Variants in MAPKAP1 observed in about 807,000 individuals in gnomAD.
The protein encoded by MAPKAP1 is MAPK associated protein 1.
Under a neutral mutation model 65.7 loss-of-function variants are expected in MAPKAP1, and 20 were observed. That is an observed-to-expected ratio of 0.30 (90% CI 0.21 to 0.44). The LOEUF is 0.44. MAPKAP1 is among the 20% of genes least tolerant of loss of function. The pLI, the probability that MAPKAP1 is intolerant of heterozygous loss-of-function variation, is 1.00. For synonymous variants in MAPKAP1, 222 were observed against 244.3 expected, an observed-to-expected ratio of 0.91 and a Z score of 0.85; for missense variants, 423 against 648.0, an observed-to-expected ratio of 0.65 and a Z score of 3.77.
At chr9:125,484,895 G>A (rs189774665) in intron 8 of MAPKAP1, among the ~76,000 whole-genome samples, 1 of 152,268 alleles carries the variant, frequency 6.6e-6, no homozygotes, top group East Asian at 1.9e-4. Flanking sequence ...AAGAGCTTGG[G>A]TGGTGTTAGC....
chr9:125,640,376 T>G (rs1417741472), intron 4 of MAPKAP1, among the ~76,000 whole-genome samples: 1 of 152,088 alleles, frequency 6.6e-6, no homozygotes, highest in Non-Finnish European at 1.5e-5. Flanking sequence ...GTGCTGGGAT[T>G]ACAGGCGTGA....
chr9:125,669,319 A>T (rs1834430792), intron 3 of MAPKAP1, among the ~76,000 whole-genome samples: 1 of 151,948 alleles, frequency 6.6e-6, no homozygotes, highest in Admixed American at 6.6e-5. Flanking sequence ...CATCTCTACT[A>T]AAAATACAAA....
At chr9:125,693,656 C>CACACACGTATAT (rs1219624556) in intron 1 of MAPKAP1, among the ~76,000 whole-genome samples, 1 of 128,834 alleles carries the variant, frequency 7.8e-6, no homozygotes, top group African/African-American at 3.5e-5. Context: ...TACACGTATA[C>CACACACGTATAT]ATACACACAC....
chr9:125,701,602 G>A (rs2131882157), intron 1 of MAPKAP1, among the ~76,000 whole-genome samples: 1 of 152,300 alleles, frequency 6.6e-6, no homozygotes, highest in Admixed American at 6.5e-5. Flanking sequence ...TTCACTGGGT[G>A]CCGATTTCTT....
At chr9:125,652,217 A>C in intron 4 of MAPKAP1, 2 of 1,313,024 alleles carry the variant, frequency 1.5e-6, no homozygotes, top group Non-Finnish European at 2.0e-6. Context: ...TGATTGTAGA[A>C]AACATTTGTT....
chr9:125,673,506 G>C (rs968117932), intron 1 of MAPKAP1, among the ~76,000 whole-genome samples: 1 of 152,086 alleles, frequency 6.6e-6, no homozygotes, highest in South Asian at 2.1e-4. Flanking sequence ...GATTACAGGC[G>C]TGAGCCACCA....
chr9:125,446,074 GGTCATA>G (rs1852703639), intron 10 of MAPKAP1, among the ~76,000 whole-genome samples: 1 of 152,094 alleles, frequency 6.6e-6, no homozygotes, highest in Non-Finnish European at 1.5e-5. Flanking sequence ...AGCAGCGGCT[GGTCATA>G]GTTATTAATT....
At chr9:125,521,557 A>G in intron 7 of MAPKAP1, 3 of 1,379,878 alleles carry the variant, frequency 2.2e-6, no homozygotes, top group Non-Finnish European at 2.8e-6. Context: ...AAATGCCAAA[A>G]CTGGTTGATG....
intron 9 of MAPKAP1, among the ~76,000 whole-genome samples, chr9:125,470,779 G>T (rs13285587): frequency 0.3 from 45,161 of 152,074 alleles, 7,660 homozygotes; most frequent in Middle Eastern, 0.4. Flanking sequence ...AGACAGGTGG[G>T]ATATCATTTA....
At chr9:125,698,334 T>TATATAA (rs1564622652) in intron 1 of MAPKAP1, among the ~76,000 whole-genome samples, 28 of 112,224 alleles carry the variant, frequency 2.5e-4, no homozygotes, top group Non-Finnish European at 4.5e-4. Flanking sequence ...TATATATATA[T>TATATAA]ATAAAATATA....
chr9:125,463,086 AATCTTCTTGCC>A (rs1263408505), intron 10 of MAPKAP1, among the ~76,000 whole-genome samples: 3 of 152,230 alleles, frequency 2.0e-5, no homozygotes, highest in Non-Finnish European at 2.9e-5. Flanking sequence ...TGCTTTCATT[AATCTTCTTGCC>A]ATCTTCTTTA....
At chr9:125,548,363 G>A (rs1356560073) in intron 6 of MAPKAP1, among the ~76,000 whole-genome samples, 4 of 152,214 alleles carry the variant, frequency 2.6e-5, no homozygotes, top group Non-Finnish European at 5.9e-5. Flanking sequence ...GCCACACAGA[G>A]GTGAGAGGGT....
At chr9:125,571,864 A>AAAATAAAT (rs542796893) in intron 5 of MAPKAP1, among the ~76,000 whole-genome samples, 10 of 152,098 alleles carry the variant, frequency 6.6e-5, no homozygotes, top group Non-Finnish European at 1.5e-4. Flanking sequence ...ACTCTATCTC[A>AAAATAAAT]AAATAAATAA....
At chr9:125,579,861 G>A (rs1347706384) in intron 5 of MAPKAP1, among the ~76,000 whole-genome samples, 3 of 152,088 alleles carry the variant, frequency 2.0e-5, no homozygotes, top group Non-Finnish European at 2.9e-5. Flanking sequence ...GAAATCCAAC[G>A]TCACTAAGAA....
At chr9:125,470,978 T>C (rs992114750) in intron 9 of MAPKAP1, 1 of 152,234 alleles carries the variant, frequency 6.6e-6, no homozygotes, top group African/African-American at 2.4e-5. Flanking sequence ...AAGTAGTTAA[T>C]GATCTGTAAA....
rs1852742967 is a variant in MAPKAP1 at position 125,447,031 on chromosome 9, G to T, written c.1346-2433C>A. 6.6e-6 allele frequency among the ~76,000 whole-genome samples: 1 copy of T among 152,080 alleles called. No individual in the cohort carries two copies. The highest frequency in any genetic ancestry group is 1.5e-5 in the Non-Finnish European group (1 of 68,020). ...GCATGTCAATTGTGGGCTGACAGAG[G>T]GGAGGCCTGTGGTTCATCTGCACAG... On this transcript the variant is annotated intron_variant, in intron 10 of 11. Transcript: ENST00000265960. The surrounding 1 kb of genome is among the most constrained non-coding windows in gnomAD (Gnocchi z 4.5).
At chr9:125,688,083 C>A (rs946048361) in intron 1 of MAPKAP1, among the ~76,000 whole-genome samples, 1 of 152,160 alleles carries the variant, frequency 6.6e-6, no homozygotes, top group African/African-American at 2.4e-5. Context: ...TTACTATTAA[C>A]AAAACTGTGT....
At chr9:125,490,557 A>G (rs1015433917) in intron 8 of MAPKAP1, among the ~76,000 whole-genome samples, 2 of 152,114 alleles carry the variant, frequency 1.3e-5, no homozygotes, top group African/African-American at 4.8e-5. Context: ...AAAACAAAAC[A>G]AAACAAACCA....
At chr9:125,698,288 AATATAT>A (rs57303829) in intron 1 of MAPKAP1, among the ~76,000 whole-genome samples, 968 of 48,658 alleles carry the variant, frequency 0.02, 10 homozygotes, top group African/African-American at 0.036. Context: ...AATATATATA[AATATAT>A]ATATATATAT....
Sources: gnomAD v4.1 joint callset for allele counts (sites outside exome capture counted in the v4.1 genomes callset) on GRCh38, gnomAD v4.1.1 for gene constraint, Gnocchi (gnomAD v3.1) non-coding constraint, MANE v1.5 for transcripts, NCBI Gene and HGNC (gene_info 2026-07-23, HGNC 2026-07-21) for gene names.